Variants in RAB23 observed in about 807,000 individuals in gnomAD.
RAB23 encodes the protein ras-related protein Rab-23.
In RAB23, 15 loss-of-function variants were observed where a neutral mutation model predicts 30.0. The ratio of observed to expected loss-of-function variants is 0.50; its 90% confidence interval spans 0.33 to 0.77. The LOEUF is 0.77. RAB23 is among the 30% of genes least tolerant of loss of function. RAB23 has a pLI of 0.02. For missense variants in RAB23, 243 were observed against 275.4 expected (o/e 0.88, Z 0.83); for synonymous variants, 93 against 94.0 (o/e 0.99, Z 0.06).
intron 3 of RAB23, among the ~76,000 whole-genome samples, chr6:57,205,909 T>C (rs1765440771): frequency 6.6e-6 from 1 of 151,788 alleles, no homozygotes; most frequent in East Asian, 1.9e-4. Flanking sequence ...ATCAGCAGAG[T>C]GGAGAGGAGG....
intron 3 of RAB23, among the ~76,000 whole-genome samples, chr6:57,202,685 C>T (rs893607868): frequency 1.8e-4 from 27 of 152,138 alleles, no homozygotes; most frequent in African/African-American, 6.3e-4. Context: ...TATTTCCAGA[C>T]TTTTCTATCA....
rs4559091 is a variant in RAB23, at chr6:57,190,368, G to T, written c.*93C>A. 1 of 1,467,508 alleles carries T rather than the reference G, an allele frequency of 6.8e-7. No individual in the cohort carries two copies. Among genetic ancestry groups the T allele is most frequent in the Non-Finnish European group, 9.5e-7 (1 of 1,051,834 alleles). 90.9% of individuals were successfully genotyped at this position (1,467,508 alleles called of 1,614,324 possible). Reference sequence around the variant, plus strand: ...CTTTCAGAGAGCCATTAGGAGCAAAGTCTGCTGAAAACCTTGTAACATACC... The same window carrying T: ...CTTTCAGAGAGCCATTAGGAGCAAATTCTGCTGAAAACCTTGTAACATACC... On this transcript the variant is annotated 3_prime_UTR_variant, in exon 7 of 7. Coordinates refer to ENST00000468148, the MANE Select transcript of RAB23 (RefSeq NM_016277.5).
At chr6:57,212,093 T>C (rs1250839521) in intron 1 of RAB23, among the ~76,000 whole-genome samples, 1 of 152,214 alleles carries the variant, frequency 6.6e-6, no homozygotes, top group East Asian at 1.9e-4. Flanking sequence ...ATCTGGTTTA[T>C]AAAACAAGCA....
chr6:57,200,474 T>C (rs1593215249), intron 3 of RAB23, among the ~76,000 whole-genome samples: 2 of 146,038 alleles, frequency 1.4e-5, no homozygotes, highest in Non-Finnish European at 3.0e-5. Context: ...GAGGAGGAGG[T>C]TGCAATGAGC....
intron 1 of RAB23, among the ~76,000 whole-genome samples, chr6:57,220,268 G>T (rs1464818278): frequency 6.6e-6 from 1 of 152,176 alleles, no homozygotes; most frequent in Non-Finnish European, 1.5e-5. Context: ...AATGCTGGGA[G>T]TATGTGGAGC....
rs1251833191 is a variant in RAB23, at chr6:57,188,359, A to G, written c.*2102T>C. On this transcript the variant is annotated 3_prime_UTR_variant, in exon 7 of 7. Transcript: ENST00000468148. The stretch of plus-strand genomic sequence containing the variant: ...TAACAAAGCTCTCTCTTCAGTTCTT[A>G]TTTAAAAAAAGATAAAACTAGGTAC... The G allele has an allele frequency of 6.6e-6, 1 of 152,160 alleles. No individual in the cohort carries two copies. Among genetic ancestry groups the G allele is most frequent in the Non-Finnish European group, 1.5e-5 (1 of 67,986 alleles). 9.4% of individuals were successfully genotyped at this position (152,160 alleles called of 1,614,324 possible).
At chr6:57,218,092 C>CA (rs1765915416) in intron 1 of RAB23, among the ~76,000 whole-genome samples, 1 of 152,144 alleles carries the variant, frequency 6.6e-6, no homozygotes, top group Non-Finnish European at 1.5e-5. Context: ...TGTAAAAACT[C>CA]AGAAAGAAAT....
intron 3 of RAB23, among the ~76,000 whole-genome samples, chr6:57,197,898 A>G (rs1157054071): frequency 6.6e-6 from 1 of 152,074 alleles, no homozygotes; most frequent in East Asian, 1.9e-4. Flanking sequence ...GCCTGCCATC[A>G]TGCACAGCTA....
intron 3 of RAB23, among the ~76,000 whole-genome samples, chr6:57,199,287 T>G (rs886814450): frequency 5.5e-4 from 84 of 152,214 alleles, no homozygotes; most frequent in African/African-American, 2.0e-3. Context: ...AGCCTCCCTT[T>G]GGTGGGCTCC....
At chr6:57,206,373 G>A (rs1038483361) in intron 3 of RAB23, among the ~76,000 whole-genome samples, 1 of 152,176 alleles carries the variant, frequency 6.6e-6, no homozygotes, top group Non-Finnish European at 1.5e-5. Flanking sequence ...GTAGTGGTCA[G>A]GGAGTAGGAG....
At chr6:57,194,028 C>T (rs983363393) in intron 5 of RAB23, 94 bp from the exon 6 acceptor site, 32 of 1,503,610 alleles carry the variant, frequency 2.1e-5, no homozygotes, top group Non-Finnish European at 2.7e-5. Context: ...ACTTACTAAA[C>T]AAATTTAAAG....
chr6:57,187,859 T>C lies in RAB23; in HGVS notation c.*2602A>G, dbSNP rs1453061157. ...ATCCTCTTTTTGGTAGTTTTAGCTT[T>C]ATTTTGAAAAAGTAACGTGTGCTAT... is the stretch of plus-strand genomic sequence containing the variant. On this transcript the variant is annotated 3_prime_UTR_variant, in exon 7 of 7. Transcript: ENST00000468148. 2 of 152,130 alleles carry C rather than the reference T, an allele frequency of 1.3e-5. No individual in the cohort carries two copies. The highest frequency in any genetic ancestry group is 2.9e-5 in the Non-Finnish European group (2 of 68,018). 9.4% of individuals were successfully genotyped at this position (152,130 alleles called of 1,614,324 possible).
intron 4 of RAB23, among the ~76,000 whole-genome samples, chr6:57,195,859 CA>C (rs1765005183): frequency 6.6e-6 from 1 of 152,114 alleles, no homozygotes; most frequent in Admixed American, 6.5e-5. Flanking sequence ...TGTTTTAAGA[CA>C]CTAAGTTTTG....
intron 1 of RAB23, 134 bp from the exon 2 acceptor site, chr6:57,210,579 ATAATG>A: frequency 3.2e-6 from 2 of 634,266 alleles, no homozygotes; most frequent in Non-Finnish European, 5.5e-6. Flanking sequence ...CTCTCTTTAG[ATAATG>A]TAAACTCTTT....
At position 57,193,851 on chromosome 6, in the gene RAB23, T is replaced by C; in HGVS notation, c.565A>G (p.Asn189Asp). 1 of 1,612,832 alleles carries C rather than the reference T, an allele frequency of 6.2e-7. No individual in the cohort carries two copies. The highest frequency in any genetic ancestry group is 8.5e-7 in the Non-Finnish European group (1 of 1,179,252). ...EDPELTHSSS[N>D]KIGVFNTSGG... is the part of the protein sequence containing the mutation. The stretch of plus-strand genomic sequence containing the variant: ...TTTCCTATGTACTTACCAATCTTGT[T>C]ACTACTTGAATGCGTTAGTTCTGGA... Residue 189 changes from asparagine (N) to aspartate (D), a missense_variant, in exon 6 of 7, where the codon AAC (asparagine) becomes GAC (aspartate). Coordinates refer to ENST00000468148, the MANE Select transcript of RAB23 (RefSeq NM_016277.5).
chr6:57,209,169 C>T (rs1765555065), intron 2 of RAB23, among the ~76,000 whole-genome samples: 1 of 152,110 alleles, frequency 6.6e-6, no homozygotes, highest in Non-Finnish European at 1.5e-5. Flanking sequence ...GGTACTGAAA[C>T]AAGAAAGCAG....
Position 57,188,101 on chromosome 6 carries a change from A to ACAAT in RAB23, c.*2356_*2359dup, listed in dbSNP as rs1267527845. The ACAAT allele has an allele frequency of 6.6e-6, 1 of 152,218 alleles. No individual in the cohort carries two copies. Among genetic ancestry groups the ACAAT allele is most frequent in the African/African-American group, 2.4e-5 (1 of 41,470 alleles). The allele number at this position is 152,218 out of a possible 1,614,324, so 9.4% of individuals were successfully genotyped here. A position where few individuals can be genotyped will look rare whatever the true frequency, so the allele number is the denominator to read the frequency against. On this transcript the variant is annotated 3_prime_UTR_variant, in exon 7 of 7. Transcript: ENST00000468148. ...AAAAAGTAGATTAGAGCACAAATGCACAATCACCTGGAATCTTGGAAAAGT... is the reference window on the plus strand; with the variant it reads ...AAAAAGTAGATTAGAGCACAAATGCACAATCAATCACCTGGAATCTTGGAAAAGT...
At chr6:57,206,028 T>C (rs1765444585) in intron 3 of RAB23, among the ~76,000 whole-genome samples, 1 of 152,164 alleles carries the variant, frequency 6.6e-6, no homozygotes, top group South Asian at 2.1e-4. Context: ...TATGTACTCA[T>C]TAAGGTTATG....
At chr6:57,208,671 CTG>C (rs1266827605) in intron 2 of RAB23, among the ~76,000 whole-genome samples, 1 of 149,536 alleles carries the variant, frequency 6.7e-6, no homozygotes, top group Non-Finnish European at 1.5e-5. Context: ...CCCTGGCTCA[CTG>C]GTTGCCCTTA....
Sources: allele counts gnomAD v4.1 joint callset (sites outside exome capture counted in the v4.1 genomes callset), GRCh38; gene constraint gnomAD v4.1.1; transcripts MANE v1.5; gene names NCBI Gene and HGNC (gene_info 2026-07-23, HGNC 2026-07-21).